SEMA3A: variants seen among roughly 807,000 people sequenced by gnomAD.
The protein encoded by SEMA3A is semaphorin 3A.
SEMA3A carries 29 observed loss-of-function variants against 97.9 expected under a neutral mutation model. The ratio of observed to expected loss-of-function variants is 0.30; its 90% CI spans 0.22 to 0.40. SEMA3A has a LOEUF of 0.40. SEMA3A is among the 10% of genes least tolerant of loss of function. SEMA3A has a pLI of 1.00. For missense variants in SEMA3A, 763 were observed against 951.3 expected, an observed-to-expected ratio of 0.80 and a Z score of 2.60; for synonymous variants, 321 against 323.7, an observed-to-expected ratio of 0.99 and a Z score of 0.09.
intron 3 of SEMA3A, among the ~76,000 whole-genome samples, chr7:84,112,419 A>G (rs1303662728): frequency 6.6e-6 from 1 of 152,216 alleles, no homozygotes; most frequent in African/African-American, 2.4e-5. Context: ...ATGCCTTTAA[A>G]GATATGCATG....
chr7:84,121,251 T>C (rs1346068420), intron 3 of SEMA3A, among the ~76,000 whole-genome samples: 1 of 152,166 alleles, frequency 6.6e-6, no homozygotes, highest in Non-Finnish European at 1.5e-5. Context: ...AGGGTATATG[T>C]GCACAACGTG....
chr7:84,412,359 T>C (rs1228689361), intron 1 of SEMA3A, among the ~76,000 whole-genome samples: 2 of 152,148 alleles, frequency 1.3e-5, no homozygotes, highest in African/African-American at 4.8e-5. Flanking sequence ...AAAGTGGAAC[T>C]GTATTGTTCC....
At chr7:84,344,074 A>G (rs770575905) in intron 2 of SEMA3A, among the ~76,000 whole-genome samples, 1 of 152,154 alleles carries the variant, frequency 6.6e-6, no homozygotes, top group Middle Eastern at 3.2e-3. Context: ...AAGTAATCTG[A>G]CTTTACAAAA....
chr7:84,408,310 C>A (rs1490743917), intron 1 of SEMA3A, among the ~76,000 whole-genome samples: 2 of 152,132 alleles, frequency 1.3e-5, no homozygotes, highest in Non-Finnish European at 2.9e-5. Flanking sequence ...CATCACTGGC[C>A]ATCAGAGAAA....
At chr7:84,280,370 A>T (rs564242333) in intron 3 of SEMA3A, among the ~76,000 whole-genome samples, 1 of 152,320 alleles carries the variant, frequency 6.6e-6, no homozygotes, top group East Asian at 1.9e-4. Context: ...GTAAAAGACC[A>T]CTGTACCACG....
At chr7:83,979,962 GA>G (rs1424532485) in intron 14 of SEMA3A, among the ~76,000 whole-genome samples, 1 of 151,778 alleles carries the variant, frequency 6.6e-6, no homozygotes, top group Non-Finnish European at 1.5e-5. Context: ...TAGCTTCTTT[GA>G]AAAAAATAGC....
intron 1 of SEMA3A, among the ~76,000 whole-genome samples, chr7:84,435,540 G>A (rs145703331): frequency 4.6e-5 from 7 of 152,276 alleles, no homozygotes; most frequent in African/African-American, 7.2e-5. Context: ...CCTGGGAGGC[G>A]GAAGTTGCAG....
intron 1 of SEMA3A, among the ~76,000 whole-genome samples, chr7:84,146,859 C>G (rs1160297572): frequency 6.6e-6 from 1 of 152,148 alleles, no homozygotes; most frequent in Non-Finnish European, 1.5e-5. Flanking sequence ...CCTCTATAGG[C>G]AGGTCTCTGT....
chr7:84,268,172 C>T (rs781504335), intron 3 of SEMA3A, among the ~76,000 whole-genome samples: 20 of 151,612 alleles, frequency 1.3e-4, no homozygotes, highest in African/African-American at 2.4e-4. Flanking sequence ...CTTTTCCTTA[C>T]GGCCATGGTG....
intron 2 of SEMA3A, among the ~76,000 whole-genome samples, chr7:84,311,979 G>A (rs73711516): frequency 0.018 from 2,794 of 151,798 alleles, 90 homozygotes; most frequent in African/African-American, 0.064. Context: ...AATATTATGG[G>A]GTGACGCCAC....
At chr7:84,359,452 C>T (rs13437736) in intron 2 of SEMA3A, among the ~76,000 whole-genome samples, 43,053 of 151,220 alleles carry the variant, frequency 0.28, 6,533 homozygotes, top group African/African-American at 0.38. Flanking sequence ...TATTGATTTG[C>T]GTATGTTGAA....
intron 1 of SEMA3A, among the ~76,000 whole-genome samples, chr7:84,412,007 A>T (rs1056172740): frequency 5.3e-5 from 8 of 152,076 alleles, no homozygotes; most frequent in Non-Finnish European, 1.2e-4. Context: ...ATTCTACAAC[A>T]CTTCTTGCTT....
intron 2 of SEMA3A, among the ~76,000 whole-genome samples, chr7:84,327,227 CT>C (rs1801794229): frequency 6.6e-6 from 1 of 151,824 alleles, no homozygotes; most frequent in African/African-American, 2.4e-5. Context: ...TCCAAAAGAT[CT>C]TTTGAAATAA....
chr7:84,333,519 G>C (rs1017168210), intron 2 of SEMA3A, among the ~76,000 whole-genome samples: 10 of 152,248 alleles, frequency 6.6e-5, no homozygotes, highest in African/African-American at 1.9e-4. Flanking sequence ...AGAATGATAC[G>C]AAGGAGTACT....
At chr7:84,160,019 G>T (rs1584057612) in intron 1 of SEMA3A, among the ~76,000 whole-genome samples, 1 of 152,082 alleles carries the variant, frequency 6.6e-6, no homozygotes, top group East Asian at 1.9e-4. Flanking sequence ...ACCATAAGTT[G>T]ATCCTCAAAA....
rs574061752 is a variant in SEMA3A, at chr7:84,354,447, C to T, written c.-169+17377G>A. On this transcript the variant is annotated intron_variant, in intron 2 of 3. Transcript: ENST00000424555. ...TTTTTACCCATTCAATTTTTACTTC[C>T]CCTTCCATTTCTTTTCCTATACCCC... Among the ~76,000 whole-genome samples the T allele has an allele frequency of 2.0e-5, 3 of 151,498 alleles. No individual in the cohort carries two copies. In the South Asian group the frequency reaches 6.2e-4, roughly 31 times the overall value.
chr7:83,977,038 G>GAA (rs1789176620), intron 15 of SEMA3A, 94 bp downstream of exon 15: 3 of 485,960 alleles, frequency 6.2e-6, no homozygotes, highest in Non-Finnish European at 9.4e-6. Flanking sequence ...TAAGTATTCT[G>GAA]AGAGATGCAT....
intron 1 of SEMA3A, among the ~76,000 whole-genome samples, chr7:84,487,236 C>G (rs1344240637): frequency 6.6e-6 from 1 of 152,012 alleles, no homozygotes; most frequent in Non-Finnish European, 1.5e-5. Flanking sequence ...CCCAGGTGGC[C>G]AGGAGTCTAA....
intron 1 of SEMA3A, among the ~76,000 whole-genome samples, chr7:84,432,857 T>C (rs1584321679): frequency 7.0e-6 from 1 of 143,026 alleles, no homozygotes; most frequent in East Asian, 2.0e-4. Context: ...CATACAAATG[T>C]GAATTTTTTT....
Sources: gnomAD v4.1 joint callset for allele counts (sites outside exome capture counted in the v4.1 genomes callset) on GRCh38, gnomAD v4.1.1 for gene constraint, MANE v1.5 for transcripts, NCBI Gene and HGNC (gene_info 2026-07-23, HGNC 2026-07-21) for gene names.